The following CFAP77 variants were observed in gnomAD, a reference collection of about 807,000 sequenced individuals.
CFAP77 encodes the protein cilia- and flagella-associated protein 77.
In CFAP77, 25 loss-of-function variants were observed where a neutral mutation model predicts 31.1. The ratio of observed to expected loss-of-function variants is 0.80; its 90% confidence interval spans 0.59 to 1.12. CFAP77 has a LOEUF of 1.12. CFAP77 is among the 50% of genes most tolerant of loss of function. CFAP77 has a pLI of 0.00. For synonymous variants in CFAP77, 151 were observed against 159.9 expected (o/e 0.94, Z 0.42); for missense variants, 377 against 397.3 (o/e 0.95, Z 0.44).
intron 1 of CFAP77, among the ~76,000 whole-genome samples, chr9:132,477,061 C>T (rs1414027414): frequency 1.3e-5 from 2 of 152,186 alleles, no homozygotes; most frequent in Non-Finnish European, 2.9e-5. Context: ...CAAGCAGCCT[C>T]GTACATCTGC....
intron 1 of CFAP77, among the ~76,000 whole-genome samples, chr9:132,486,939 G>A (rs1851571554): frequency 1.3e-5 from 2 of 152,260 alleles, no homozygotes; most frequent in Non-Finnish European, 2.9e-5. Context: ...GCAGCCGGAA[G>A]GGAGGCCGGG....
At chr9:132,477,234 C>G (rs1458793620) in intron 1 of CFAP77, among the ~76,000 whole-genome samples, 1 of 152,228 alleles carries the variant, frequency 6.6e-6, no homozygotes, top group Non-Finnish European at 1.5e-5. Context: ...ACCTCTCTGA[C>G]TAATCTGTAA....
At chr9:132,433,081 T>G (rs916851745) in intron 1 of CFAP77, among the ~76,000 whole-genome samples, 4 of 151,522 alleles carry the variant, frequency 2.6e-5, no homozygotes, top group African/African-American at 9.7e-5. Flanking sequence ...ACCCCTGACT[T>G]CAAGTGATCC....
chr9:132,548,286 G>GGGC (rs1564248910), intron 5 of CFAP77, among the ~76,000 whole-genome samples: 1 of 128,890 alleles, frequency 7.8e-6, no homozygotes. Context: ...GGGGGGTGGG[G>GGGC]GGTGAAGCTG....
At chr9:132,482,539 C>T (rs547110499) in intron 1 of CFAP77, 535 of 711,494 alleles carry the variant, frequency 7.5e-4, no homozygotes, top group Non-Finnish European at 1.1e-3. Context: ...TCCATGGTCT[C>T]GTCTAAATGT....
At chr9:132,493,714 G>T (rs1851688591) in intron 1 of CFAP77, among the ~76,000 whole-genome samples, 1 of 152,236 alleles carries the variant, frequency 6.6e-6, no homozygotes, top group African/African-American at 2.4e-5. Flanking sequence ...CTGGTGTCTG[G>T]CTGCATCCGC....
intron 1 of CFAP77, among the ~76,000 whole-genome samples, chr9:132,473,134 TA>T (rs1373482575): frequency 2.6e-5 from 4 of 152,024 alleles, no homozygotes; most frequent in African/African-American, 9.7e-5. Flanking sequence ...AGGCTCTTTT[TA>T]ACAAACAGCT....
At chr9:132,448,140 C>G (rs989374147) in intron 1 of CFAP77, among the ~76,000 whole-genome samples, 8 of 151,786 alleles carry the variant, frequency 5.3e-5, no homozygotes, top group African/African-American at 1.9e-4. Flanking sequence ...GGAAGAAGCT[C>G]AGGTTGTACT....
chr9:132,415,348 G>A (rs376097112), intron 1 of CFAP77, among the ~76,000 whole-genome samples: 6 of 151,896 alleles, frequency 4.0e-5, no homozygotes, highest in East Asian at 1.9e-4. Flanking sequence ...AGTGAGTCGG[G>A]CTGAGGCAGG....
rs112833832 is a variant in CFAP77 at position 132,513,355 on chromosome 9, C to T, written c.524+13755C>T. ...AGCACGCTAACCATCTGGCCGCTTT[C>T]GCTTCTGATCCTTTCCTTTAATATT... On this transcript the variant is annotated intron_variant, in intron 3 of 5. Coordinates refer to ENST00000393216, the MANE Select transcript of CFAP77 (RefSeq NM_001282957.2). 3.5e-5 allele frequency: 54 copies of T among 1,539,208 alleles called. 1 individual carries two copies. Among genetic ancestry groups the T allele is most frequent in the African/African-American group, 1.8e-4 (13 of 72,402 alleles).
intron 1 of CFAP77, among the ~76,000 whole-genome samples, chr9:132,445,729 C>G (rs968077511): frequency 6.6e-6 from 1 of 151,776 alleles, no homozygotes. Flanking sequence ...ATTGGCCAGG[C>G]GTCATGGTGG....
chr9:132,450,628 G>A (rs1157284859), intron 1 of CFAP77, among the ~76,000 whole-genome samples: 1 of 152,188 alleles, frequency 6.6e-6, no homozygotes, highest in Non-Finnish European at 1.5e-5. Context: ...TTTGAACTCT[G>A]TGGTCTGCCT....
At chr9:132,410,574 G>C (rs1181703470) in intron 1 of CFAP77, 108 bp downstream of exon 1, 7 of 992,502 alleles carry the variant, frequency 7.1e-6, no homozygotes, top group Non-Finnish European at 9.9e-6. Flanking sequence ...GGGTCCGAGC[G>C]CAGCGTGGGA....
rs144914775 is a variant in CFAP77 at position 132,522,195 on chromosome 9, G to T, written c.525-15406G>T. Among the ~76,000 whole-genome samples the T allele has an allele frequency of 3.5e-3, 537 of 152,302 alleles. 2 individuals carry two copies. Among genetic ancestry groups the T allele is most frequent in the South Asian group, 6.6e-3 (32 of 4,824 alleles). On this transcript the variant is annotated intron_variant, in intron 3 of 5. Coordinates refer to ENST00000393216, the MANE Select transcript of CFAP77 (RefSeq NM_001282957.2). ...GGGGTCCTATATGAAAATAGCCAGG[G>T]CCCCTGGACTTGGCCTCTATGTGCA...
At position 132,565,495 on chromosome 9, in the gene CFAP77, A is replaced by G. The variant is rs966014229; in HGVS notation, c.733-6893A>G. Among the ~76,000 whole-genome samples the G allele has an allele frequency of 6.6e-6, 1 of 152,022 alleles. No individual in the cohort carries two copies. Among genetic ancestry groups the G allele is most frequent in the Non-Finnish European group, 1.5e-5 (1 of 67,984 alleles). The stretch of plus-strand genomic sequence containing the variant: ...AAATATAAAAAATTAGCTGGGCGTG[A>G]TGGCAGACACCTGTAATCCCAGCTA... On this transcript the variant is annotated intron_variant, in intron 5 of 5. Transcript: ENST00000393216. This position sits in a 1 kb window ranked among gnomAD's most constrained non-coding sequence, Gnocchi z 4.1.
In CFAP77 at chr9:132,481,968, G is replaced by C. The variant is rs60497137; in HGVS notation, c.196-16727G>C. The stretch of plus-strand genomic sequence containing the variant: ...AACAAGGGTTTATGGTTGGGGGGGG[G>C]GGGGGCGGCGGAACACTGAACATTT... On this transcript the variant is annotated intron_variant, in intron 1 of 5. Transcript: ENST00000393216. This position sits in a 1 kb window ranked among gnomAD's most constrained non-coding sequence, Gnocchi z 5.0. Among the ~76,000 whole-genome samples the C allele has an allele frequency of 1.6e-4, 23 of 144,122 alleles. No individual in the cohort carries two copies. Among genetic ancestry groups the C allele is most frequent in the Non-Finnish European group, 2.4e-4 (16 of 65,956 alleles). The allele number at this position is 144,122 out of a possible 152,430, so 94.5% of individuals were successfully genotyped here.
Position 132,480,084 on chromosome 9 carries a change from G to A in CFAP77, c.196-18611G>A, listed in dbSNP as rs1229236039. On this transcript the variant is annotated intron_variant, in intron 1 of 5. Transcript: ENST00000393216. The surrounding 1 kb of genome is among the most constrained non-coding windows in gnomAD (Gnocchi z 5.8). ...GTGGGGGGGACCCTGAAAATCAACC[G>A]GCTCAGCCCCCTCATTTTGCAGATG... Among the ~76,000 whole-genome samples the A allele has an allele frequency of 2.0e-5, 3 of 152,128 alleles. No individual in the cohort carries two copies. The highest frequency in any genetic ancestry group is 3.9e-4 in the East Asian group (2 of 5,182).
At chr9:132,509,299 G>A (rs1851990610) in intron 3 of CFAP77, among the ~76,000 whole-genome samples, 1 of 152,248 alleles carries the variant, frequency 6.6e-6, no homozygotes, top group African/African-American at 2.4e-5. Context: ...CTAGCCCTTA[G>A]CGGCCTGAAC....
At chr9:132,449,601 G>A (rs1850788874) in intron 1 of CFAP77, among the ~76,000 whole-genome samples, 3 of 152,254 alleles carry the variant, frequency 2.0e-5, no homozygotes, top group African/African-American at 7.2e-5. Context: ...TGAACATCTG[G>A]GTTGCTCCCA....
Sources: gnomAD v4.1 joint callset for allele counts (sites outside exome capture counted in the v4.1 genomes callset) on GRCh38, gnomAD v4.1.1 for gene constraint, Gnocchi (gnomAD v3.1) non-coding constraint, MANE v1.5 for transcripts, NCBI Gene and HGNC (gene_info 2026-07-23, HGNC 2026-07-21) for gene names.